EPHA6: variants seen among roughly 807,000 people sequenced by gnomAD.
The protein encoded by EPHA6 is ephrin type-A receptor 6.
EPHA6 carries 50 observed loss-of-function variants against 112.0 expected under a neutral mutation model. That is an observed-to-expected ratio of 0.45 (90% CI 0.36 to 0.56). The LOEUF (loss-of-function observed/expected upper bound fraction) is 0.56. EPHA6 is among the 20% of genes least tolerant of loss of function. The pLI, the probability that EPHA6 is intolerant of heterozygous loss-of-function variation, is 0.00. For synonymous variants in EPHA6, 529 were observed against 490.7 expected (o/e 1.08, Z -1.03); for missense variants, 1,280 against 1,417.4 (o/e 0.90, Z 1.56).
chr3:96,878,385 G>A (rs894539125), intron 2 of EPHA6, among the ~76,000 whole-genome samples: 5 of 151,730 alleles, frequency 3.3e-5, no homozygotes, highest in African/African-American at 9.7e-5. Flanking sequence ...AAAGAGAGGT[G>A]TCAAGGAAAA....
At chr3:97,680,140 T>A (rs1409749918) in intron 14 of EPHA6, among the ~76,000 whole-genome samples, 1 of 152,206 alleles carries the variant, frequency 6.6e-6, no homozygotes, top group Non-Finnish European at 1.5e-5. Context: ...CCTTCTATCC[T>A]GCTCAGATCT....
intron 11 of EPHA6, among the ~76,000 whole-genome samples, chr3:97,579,132 T>A (rs1560156578): frequency 6.6e-6 from 1 of 152,242 alleles, no homozygotes; most frequent in Non-Finnish European, 1.5e-5. Flanking sequence ...TGGCACTTTC[T>A]CCAAACTCAA....
At chr3:97,716,574 CAAAAA>C (rs1218426459) in intron 14 of EPHA6, among the ~76,000 whole-genome samples, 1 of 37,270 alleles carries the variant, frequency 2.7e-5, no homozygotes, top group Admixed American at 2.2e-4. Flanking sequence ...GACTCCGTCT[CAAAAA>C]AAAAAAAAAA....
At chr3:97,032,732 AC>A (rs2044916186) in intron 3 of EPHA6, among the ~76,000 whole-genome samples, 1 of 152,020 alleles carries the variant, frequency 6.6e-6, no homozygotes, top group Non-Finnish European at 1.5e-5. Context: ...GAGTTTACAC[AC>A]TATGAGGTAC....
At chr3:96,879,304 C>A (rs2037162306) in intron 2 of EPHA6, among the ~76,000 whole-genome samples, 1 of 151,956 alleles carries the variant, frequency 6.6e-6, no homozygotes, top group Non-Finnish European at 1.5e-5. Context: ...TTTCTATCTA[C>A]CATAAACAAA....
At chr3:97,183,560 T>C (rs1226618467) in intron 3 of EPHA6, among the ~76,000 whole-genome samples, 2 of 152,178 alleles carry the variant, frequency 1.3e-5, no homozygotes, top group Admixed American at 6.5e-5. Flanking sequence ...AACTAATTTA[T>C]GTAAAAAGAA....
rs192201473 is a variant in EPHA6, at chr3:97,114,600, T to A, written c.1115-111664T>A. ...TTTCAGTAAATATAAAAGAGGATAA[T>A]CAGTCTCCTAGAGCTTCCCATTTAA... On this transcript the variant is annotated intron_variant, in intron 3 of 17. Coordinates refer to ENST00000389672, the MANE Select transcript of EPHA6 (RefSeq NM_001080448.3). 1.5e-3 allele frequency among the ~76,000 whole-genome samples: 229 copies of A among 152,200 alleles called. 1 individual carries two copies. The highest frequency in any genetic ancestry group is 5.1e-3 in the African/African-American group (213 of 41,566).
chr3:97,442,402 A>G (rs1296211167), intron 6 of EPHA6, among the ~76,000 whole-genome samples: 2 of 152,178 alleles, frequency 1.3e-5, no homozygotes, highest in East Asian at 3.9e-4. Flanking sequence ...CCTGGCCAAC[A>G]TGGTGAAACC....
chr3:97,643,645 G>C (rs1391404216), intron 14 of EPHA6, among the ~76,000 whole-genome samples: 2 of 151,842 alleles, frequency 1.3e-5, no homozygotes, highest in Non-Finnish European at 2.9e-5. Flanking sequence ...TGCAATCCTA[G>C]TCTCTGATAA....
chr3:97,677,410 C>G (rs2031485194), intron 14 of EPHA6, among the ~76,000 whole-genome samples: 1 of 152,054 alleles, frequency 6.6e-6, no homozygotes, highest in South Asian at 2.1e-4. Flanking sequence ...AGACATCCTA[C>G]TAGAATAAGA....
chr3:97,473,365 A>G (rs1228099046), intron 7 of EPHA6, among the ~76,000 whole-genome samples: 3 of 151,850 alleles, frequency 2.0e-5, no homozygotes, highest in Admixed American at 2.0e-4. Flanking sequence ...TATAAATGTA[A>G]TAACAAGTGT....
chr3:96,830,148 A>G (rs1206097384), intron 1 of EPHA6, among the ~76,000 whole-genome samples: 1 of 152,134 alleles, frequency 6.6e-6, no homozygotes, highest in Non-Finnish European at 1.5e-5. Flanking sequence ...TTCAGGTCAT[A>G]TTACATTAAG....
At chr3:97,429,113 A>AAC (rs1409448570) in intron 6 of EPHA6, among the ~76,000 whole-genome samples, 11 of 152,092 alleles carry the variant, frequency 7.2e-5, no homozygotes, top group African/African-American at 2.4e-4. Context: ...TTTCCATAAC[A>AAC]ACACATAATT....
intron 5 of EPHA6, among the ~76,000 whole-genome samples, chr3:97,400,705 G>T (rs1439209425): frequency 6.6e-6 from 1 of 151,484 alleles, no homozygotes. Context: ...AAATGGGATT[G>T]CCTTGTTGGT....
intron 3 of EPHA6, among the ~76,000 whole-genome samples, chr3:97,059,982 G>A (rs1459671843): frequency 1.3e-5 from 2 of 151,816 alleles, no homozygotes; most frequent in Non-Finnish European, 2.9e-5. Context: ...TTAGCCAGGT[G>A]TGGTGGCATG....
At chr3:97,345,107 C>T (rs535675419) in intron 5 of EPHA6, among the ~76,000 whole-genome samples, 16 of 151,866 alleles carry the variant, frequency 1.1e-4, no homozygotes, top group East Asian at 5.8e-4. Context: ...AACCAACATA[C>T]GTACTATTAG....
intron 3 of EPHA6, among the ~76,000 whole-genome samples, chr3:97,120,998 G>A (rs1288715058): frequency 3.3e-5 from 5 of 151,876 alleles, no homozygotes; most frequent in East Asian, 3.9e-4. Flanking sequence ...GAAATGTTAC[G>A]TTCCTGCCAA....
At chr3:96,883,582 G>T (rs555939176) in intron 2 of EPHA6, among the ~76,000 whole-genome samples, 1 of 152,226 alleles carries the variant, frequency 6.6e-6, no homozygotes, top group African/African-American at 2.4e-5. Flanking sequence ...ATCTTGAGTT[G>T]ATTTTTGTAT....
intron 10 of EPHA6, among the ~76,000 whole-genome samples, chr3:97,485,835 A>G (rs1012531289): frequency 6.6e-6 from 1 of 152,188 alleles, no homozygotes; most frequent in Admixed American, 6.5e-5. Context: ...GCACCTGTGA[A>G]AAACTGATAT....
Sources: allele counts gnomAD v4.1 joint callset (sites outside exome capture counted in the v4.1 genomes callset), GRCh38; gene constraint gnomAD v4.1.1; transcripts MANE v1.5; gene names NCBI Gene and HGNC (gene_info 2026-07-23, HGNC 2026-07-21).